ERC2: variants seen among roughly 807,000 people sequenced by gnomAD.
ERC2 encodes ERC protein 2.
Under a neutral mutation model 114.8 loss-of-function variants are expected in ERC2, and 42 were observed. The observed-to-expected ratio is 0.37, with a 90% CI of 0.29 to 0.47. The LOEUF (loss-of-function observed/expected upper bound fraction) is 0.47, where lower values mean the gene tolerates loss of function less well. Ranked by LOEUF, ERC2 falls within the 20% of genes least tolerant of loss-of-function variation. The pLI, the probability that ERC2 is intolerant of heterozygous loss-of-function variation, is 0.99. For synonymous variants in ERC2, 454 were observed against 425.5 expected (o/e 1.07, Z -0.82); for missense variants, 939 against 1,150.7 (o/e 0.82, Z 2.66).
At chr3:56,232,716 C>T (rs2050705988) in intron 3 of ERC2, among the ~76,000 whole-genome samples, 2 of 152,232 alleles carry the variant, frequency 1.3e-5, no homozygotes, top group South Asian at 4.1e-4. Context: ...ATACCCTCAC[C>T]TCTGTAGTCC....
rs1221056393 is a variant in ERC2 at position 56,262,767 on chromosome 3, T to A, written c.1074+33252A>T. On this transcript the variant is annotated intron_variant, in intron 3 of 17. Transcript: ENST00000288221. Reference sequence around the variant, plus strand: ...TCTAAAGTTACTAACTTTCCTCTCATTACATATACAAATTTTGGTCCCCAA... The same window carrying A: ...TCTAAAGTTACTAACTTTCCTCTCAATACATATACAAATTTTGGTCCCCAA... Among the ~76,000 whole-genome samples, 7 of 152,368 alleles carry A rather than the reference T, an allele frequency of 4.6e-5. No homozygotes were observed. The East Asian group carries it at 1.2e-3, about 25-fold the overall frequency.
intron 2 of ERC2, among the ~76,000 whole-genome samples, chr3:56,404,131 A>G (rs1313553401): frequency 6.6e-6 from 1 of 152,232 alleles, no homozygotes; most frequent in African/African-American, 2.4e-5. Context: ...TCTCAAATAT[A>G]TTCCATGTAA....
At chr3:55,752,064 A>G (rs990283531) in intron 14 of ERC2, among the ~76,000 whole-genome samples, 5 of 152,236 alleles carry the variant, frequency 3.3e-5, no homozygotes, top group Non-Finnish European at 7.3e-5. Flanking sequence ...TACTGTTTAC[A>G]GAATAACTTT....
intron 3 of ERC2, among the ~76,000 whole-genome samples, chr3:56,274,273 G>C (rs1289981214): frequency 1.3e-5 from 2 of 152,144 alleles, no homozygotes; most frequent in Non-Finnish European, 2.9e-5. Flanking sequence ...TGATGATCTG[G>C]GGTGAAACAG....
At chr3:56,195,511 G>GTGTA (rs1373862484) in intron 3 of ERC2, among the ~76,000 whole-genome samples, 1 of 151,824 alleles carries the variant, frequency 6.6e-6, no homozygotes, top group Non-Finnish European at 1.5e-5. Flanking sequence ...GTGTGTGTGT[G>GTGTA]TGTGTGTGTT....
At chr3:56,055,880 A>G (rs530716766) in intron 7 of ERC2, among the ~76,000 whole-genome samples, 2 of 152,220 alleles carry the variant, frequency 1.3e-5, no homozygotes, top group Non-Finnish European at 2.9e-5. Flanking sequence ...TCAACAACAA[A>G]TAACAGCCTG....
chr3:55,731,321 T>C (rs1559562959), intron 15 of ERC2, among the ~76,000 whole-genome samples: 1 of 152,180 alleles, frequency 6.6e-6, no homozygotes, highest in Non-Finnish European at 1.5e-5. Flanking sequence ...AAATCAAAAT[T>C]AAACTACCTC....
At chr3:56,267,744 A>C (rs1222448907) in intron 3 of ERC2, among the ~76,000 whole-genome samples, 1 of 152,114 alleles carries the variant, frequency 6.6e-6, no homozygotes, top group Non-Finnish European at 1.5e-5. Context: ...TTGCCACTGC[A>C]CTCCAGCCTG....
intron 4 of ERC2, among the ~76,000 whole-genome samples, chr3:56,165,766 C>A (rs916042282): frequency 4.6e-5 from 7 of 151,030 alleles, no homozygotes; most frequent in Non-Finnish European, 1.0e-4. Context: ...AAATAAGATT[C>A]ATTTTAAAAT....
chr3:56,126,648 G>A (rs2079880005), intron 6 of ERC2, among the ~76,000 whole-genome samples: 1 of 151,920 alleles, frequency 6.6e-6, no homozygotes. Flanking sequence ...CCAGCTACTT[G>A]GGAGGCTGAG....
chr3:56,429,997 A>AG (rs2061724953), intron 2 of ERC2, among the ~76,000 whole-genome samples: 1 of 152,246 alleles, frequency 6.6e-6, no homozygotes, highest in Non-Finnish European at 1.5e-5. Context: ...TAAGAAGGAA[A>AG]GGGCTGGGTT....
Position 56,387,895 on chromosome 3 carries a change from T to C in ERC2, c.657+46456A>G, listed in dbSNP as rs376021356. Among the ~76,000 whole-genome samples, 18 of 152,284 alleles carry C rather than the reference T, an allele frequency of 1.2e-4. No homozygotes were observed. In the East Asian group the frequency reaches 2.5e-3, roughly 21 times the overall value. ...GACTCCCTGCCTGTGACTAGAATAATGTGGTGTGTTAGGGAAAGTTAAAAT... is the reference window on the plus strand; with the variant it reads ...GACTCCCTGCCTGTGACTAGAATAACGTGGTGTGTTAGGGAAAGTTAAAAT... On this transcript the variant is annotated intron_variant, in intron 2 of 17. Transcript: ENST00000288221.
chr3:56,182,203 T>C (rs539809431), intron 3 of ERC2, among the ~76,000 whole-genome samples: 5 of 152,302 alleles, frequency 3.3e-5, no homozygotes, highest in South Asian at 4.1e-4. Context: ...TTTTCCTCCA[T>C]GTCACTGAAC....
chr3:56,333,384 GT>G (rs2057714960), intron 2 of ERC2, among the ~76,000 whole-genome samples: 1 of 152,224 alleles, frequency 6.6e-6, no homozygotes, highest in Non-Finnish European at 1.5e-5. Flanking sequence ...CAACTTCAAT[GT>G]GCTATAAGAG....
At chr3:56,350,493 C>T (rs2058509951) in intron 2 of ERC2, among the ~76,000 whole-genome samples, 1 of 152,108 alleles carries the variant, frequency 6.6e-6, no homozygotes, top group African/African-American at 2.4e-5. Context: ...TTAAAGTTTA[C>T]AGCTCAAACT....
chr3:55,942,496 A>G (rs954867726), intron 13 of ERC2, among the ~76,000 whole-genome samples: 9 of 145,588 alleles, frequency 6.2e-5, no homozygotes, highest in Admixed American at 4.8e-4. Flanking sequence ...ACGGGGTTTC[A>G]CCGTTTTAGC....
chr3:55,992,679 T>C (rs191991495), intron 10 of ERC2, among the ~76,000 whole-genome samples: 58 of 152,322 alleles, frequency 3.8e-4, no homozygotes, highest in African/African-American at 1.3e-3. Flanking sequence ...AATATTGGAT[T>C]ATTTTCCAAG....
intron 17 of ERC2, among the ~76,000 whole-genome samples, chr3:55,582,482 T>C (rs1370392564): frequency 2.0e-5 from 3 of 152,254 alleles, no homozygotes; most frequent in Admixed American, 6.5e-5. Flanking sequence ...TGAGCAGTTA[T>C]ATCCAGAAGT....
At chr3:55,726,902 T>C (rs1244142923) in intron 15 of ERC2, among the ~76,000 whole-genome samples, 3 of 152,166 alleles carry the variant, frequency 2.0e-5, no homozygotes, top group Non-Finnish European at 4.4e-5. Context: ...GTACAATTTA[T>C]CTCTGATCTC....
Sources: gnomAD v4.1 joint callset for allele counts (sites outside exome capture counted in the v4.1 genomes callset) on GRCh38, gnomAD v4.1.1 for gene constraint, MANE v1.5 for transcripts, NCBI Gene and HGNC (gene_info 2026-07-23, HGNC 2026-07-21) for gene names.